The following PDE10A variants were observed in gnomAD, a reference collection of about 807,000 sequenced individuals.
PDE10A encodes phosphodiesterase 10A.
PDE10A carries 39 observed loss-of-function variants against 97.7 expected under a neutral mutation model. That is an observed-to-expected ratio of 0.40 (90% CI 0.31 to 0.52). The LOEUF is 0.52. Ranked by LOEUF, PDE10A falls within the 20% of genes least tolerant of loss-of-function variation. The pLI is 0.56. For synonymous variants in PDE10A, 371 were observed against 376.8 expected, an observed-to-expected ratio of 0.98 and a Z score of 0.18; for missense variants, 731 against 1,047.8, an observed-to-expected ratio of 0.70 and a Z score of 4.17.
intron 1 of PDE10A, among the ~76,000 whole-genome samples, chr6:165,557,118 G>A (rs1250736057): frequency 1.3e-5 from 2 of 151,930 alleles, no homozygotes; most frequent in Admixed American, 6.6e-5. Context: ...AAGCCTGGGT[G>A]ACAGAGCAAA....
Position 165,806,042 on chromosome 6 carries a change from TAAAAAAAAAAAAA to T in PDE10A, c.-615+181474_-615+181486del, listed in dbSNP as rs67104260. The stretch of plus-strand genomic sequence containing the variant: ...AAATGATTTGTAGTTGCTTGATTAT[TAAAAAAAAAAAAA>T]AAAAAAAAAAAAAAAGATCAAACAG... On this transcript the variant is annotated intron_variant, in intron 1 of 19. Coordinates refer to the PDE10A transcript ENST00000366882. 1.8e-4 allele frequency among the ~76,000 whole-genome samples: 13 copies of T among 73,120 alleles called. No individual in the cohort carries two copies. In the Admixed American group the frequency reaches 2.1e-3, roughly 12 times the overall value. The allele number at this position is 73,120 out of a possible 152,430, so 48.0% of individuals were successfully genotyped here.
At chr6:165,735,934 A>C (rs1024195866) in intron 1 of PDE10A, among the ~76,000 whole-genome samples, 1 of 152,208 alleles carries the variant, frequency 6.6e-6, no homozygotes, top group Non-Finnish European at 1.5e-5. Flanking sequence ...GAGAAGAAAG[A>C]TTATTTGAAT....
At chr6:165,575,360 C>CA (rs1785250502) in intron 1 of PDE10A, among the ~76,000 whole-genome samples, 1 of 152,188 alleles carries the variant, frequency 6.6e-6, no homozygotes, top group Non-Finnish European at 1.5e-5. Flanking sequence ...CCGGACACAG[C>CA]ATGATCACCC....
chr6:165,384,670 AT>A (rs1562406512), intron 17 of PDE10A, among the ~76,000 whole-genome samples: 2 of 30,486 alleles, frequency 6.6e-5, no homozygotes, highest in African/African-American at 5.1e-4. Context: ...GTGTGTGTGT[AT>A]GGGGGGGGGC....
intron 3 of PDE10A, among the ~76,000 whole-genome samples, chr6:165,476,281 G>C (rs184763826): frequency 1.7e-4 from 26 of 152,164 alleles, no homozygotes; most frequent in African/African-American, 5.3e-4. Context: ...TATAAAGAAA[G>C]CATCTGTTTT....
intron 1 of PDE10A, among the ~76,000 whole-genome samples, chr6:165,782,424 G>A (rs1370301920): frequency 2.0e-5 from 3 of 152,202 alleles, no homozygotes; most frequent in Non-Finnish European, 2.9e-5. Context: ...GCAGGGCCAA[G>A]GCGTGGGAAA....
chr6:165,588,281 C>CTTTTTTTTTTTTT (rs1216263426), intron 1 of PDE10A, among the ~76,000 whole-genome samples: 1 of 37,064 alleles, frequency 2.7e-5, no homozygotes, highest in African/African-American at 5.7e-5. Flanking sequence ...ATTTTTTTTT[C>CTTTTTTTTTTTTT]TTTTTTTTTT....
intron 1 of PDE10A, among the ~76,000 whole-genome samples, chr6:165,839,921 C>CTCAATT (rs1562762632): frequency 6.6e-6 from 1 of 151,950 alleles, no homozygotes; most frequent in African/African-American, 2.4e-5. Flanking sequence ...CCATCCCCAA[C>CTCAATT]CTCATCTCCA....
At chr6:165,539,309 A>G (rs917030790) in intron 2 of PDE10A, among the ~76,000 whole-genome samples, 2 of 152,174 alleles carry the variant, frequency 1.3e-5, no homozygotes, top group African/African-American at 4.8e-5. Flanking sequence ...TAAGAGTTAG[A>G]AAAAAAGACT....
intron 1 of PDE10A, among the ~76,000 whole-genome samples, chr6:165,765,148 G>A (rs1777796098): frequency 2.0e-5 from 3 of 152,226 alleles, no homozygotes; most frequent in Admixed American, 2.0e-4. Context: ...GTGCCGCTTG[G>A]TGTATTTACA....
chr6:165,417,192 G>C (rs1788377888), intron 11 of PDE10A, among the ~76,000 whole-genome samples: 1 of 152,206 alleles, frequency 6.6e-6, no homozygotes, highest in African/African-American at 2.4e-5. Context: ...AAACACCAAA[G>C]AGTGAACCAA....
At chr6:165,935,016 TG>T (rs896092321) in intron 1 of PDE10A, among the ~76,000 whole-genome samples, 68 of 152,318 alleles carry the variant, frequency 4.5e-4, no homozygotes, top group African/African-American at 1.6e-3. Flanking sequence ...ACTGCTTCCA[TG>T]AAGTTACAAA....
intron 1 of PDE10A, among the ~76,000 whole-genome samples, chr6:165,843,740 A>G (rs1177817133): frequency 2.6e-5 from 4 of 152,146 alleles, no homozygotes; most frequent in African/African-American, 7.2e-5. Flanking sequence ...CAGAGAGGGG[A>G]ATGTTGGCGC....
chr6:165,888,794 A>G (rs1220236378), intron 1 of PDE10A, among the ~76,000 whole-genome samples: 1 of 152,236 alleles, frequency 6.6e-6, no homozygotes, highest in Non-Finnish European at 1.5e-5. Flanking sequence ...TCCAACACAC[A>G]TTTAATTAGA....
chr6:165,615,222 AAGAAAG>A (rs934125555), intron 1 of PDE10A, among the ~76,000 whole-genome samples: 18 of 144,636 alleles, frequency 1.2e-4, no homozygotes, highest in African/African-American at 4.3e-4. Context: ...AAAAAAAAAA[AAGAAAG>A]AAAGAAAGAA....
At chr6:165,538,627 C>T (rs1562561530) in intron 2 of PDE10A, among the ~76,000 whole-genome samples, 1 of 152,146 alleles carries the variant, frequency 6.6e-6, no homozygotes, top group Non-Finnish European at 1.5e-5. Context: ...ATACCACCGA[C>T]ACTGTCAACT....
At chr6:165,450,396 G>T (rs1471052166) in intron 3 of PDE10A, 34 bp from the exon 4 acceptor site, 2 of 1,354,160 alleles carry the variant, frequency 1.5e-6, no homozygotes, top group Non-Finnish European at 2.1e-6. Flanking sequence ...TAAAAACAGA[G>T]TTTAAATAAA....
chr6:165,581,875 C>G (rs540175583), intron 1 of PDE10A, among the ~76,000 whole-genome samples: 1 of 152,296 alleles, frequency 6.6e-6, no homozygotes, highest in South Asian at 2.1e-4. Flanking sequence ...AACATTTGGA[C>G]TAGAAGTCTA....
intron 1 of PDE10A, among the ~76,000 whole-genome samples, chr6:165,573,334 C>T (rs922796362): frequency 2.7e-5 from 4 of 149,122 alleles, no homozygotes; most frequent in African/African-American, 9.9e-5. Context: ...TAGTAGATTA[C>T]TACTAGTCTT....
Sources: gnomAD v4.1 joint callset for allele counts (sites outside exome capture counted in the v4.1 genomes callset) on GRCh38, gnomAD v4.1.1 for gene constraint, MANE v1.5 for transcripts, NCBI Gene and HGNC (gene_info 2026-07-23, HGNC 2026-07-21) for gene names.